Variants in COXFA4L2 observed in about 807,000 individuals in gnomAD.
COXFA4L2 encodes the protein NADH dehydrogenase (ubiquinone) 1 alpha subcomplex, 4-like 2.
chr12:57,238,309 G>A, the COXFA4L2 span, among the ~76,000 whole-genome samples: 21 of 152,170 alleles, frequency 1.4e-4, no homozygotes, highest in Admixed American at 4.6e-4. This position sits in a 1 kb window ranked among gnomAD's most constrained non-coding sequence, Gnocchi z 6.8. Context: ...TAATTAGGCT[G>A]CGGGGTCCCG....
the COXFA4L2 span, chr12:57,236,161 A>G: frequency 3.0e-6 from 1 of 332,016 alleles, no homozygotes; most frequent in Non-Finnish European, 5.5e-6. Flanking sequence ...ATGTGCCGGG[A>G]ATTATAAAGC....
chr12:57,237,465 G>T, the COXFA4L2 span: 1 of 672,064 alleles, frequency 1.5e-6, no homozygotes, highest in Non-Finnish European at 2.1e-6. Flanking sequence ...TGCATGTGTG[G>T]AATGTTCACA....
chr12:57,236,632 A>C, the COXFA4L2 span: 8 of 1,584,566 alleles, frequency 5.0e-6, no homozygotes, highest in Non-Finnish European at 6.9e-6. Flanking sequence ...CAGCAAGTAA[A>C]GCGCAGCGCT....
At chr12:57,235,580 CCTT>C in the COXFA4L2 span, 2 of 1,613,996 alleles carry the variant, frequency 1.2e-6, no homozygotes, top group Non-Finnish European at 1.7e-6. Context: ...TCTGGCCGGT[CCTT>C]CTTCAGCTTC....
chr12:57,235,828 G>C, the COXFA4L2 span: 3 of 1,520,056 alleles, frequency 2.0e-6, no homozygotes, highest in Non-Finnish European at 2.6e-6. Context: ...CAGGAGGGGG[G>C]AGGGTTAGGG....
chr12:57,236,885 A>G, the COXFA4L2 span: 2,205 of 1,173,894 alleles, frequency 1.9e-3, 9 homozygotes, highest in Middle Eastern at 0.017. Flanking sequence ...GGACACAGGG[A>G]CGTTTCGGAG....
At chr12:57,236,891 C>T in the COXFA4L2 span, 19 of 1,246,062 alleles carry the variant, frequency 1.5e-5, no homozygotes, top group African/African-American at 1.2e-4. Context: ...AGGGACGTTT[C>T]GGAGAGAGAC....
the COXFA4L2 span, among the ~76,000 whole-genome samples, chr12:57,237,586 G>A: frequency 6.6e-6 from 1 of 152,230 alleles, no homozygotes; most frequent in African/African-American, 2.4e-5. Flanking sequence ...CCCCTCCACA[G>A]TGTAGTGGGG....
chr12:57,237,052 G>T, the COXFA4L2 span: 5 of 1,614,082 alleles, frequency 3.1e-6, no homozygotes, highest in Non-Finnish European at 4.2e-6. Context: ...TTGATCTGCC[G>T]GTAGAAGCGG....
chr12:57,236,170 G>A, the COXFA4L2 span: 5 of 329,978 alleles, frequency 1.5e-5, no homozygotes, highest in Non-Finnish European at 2.8e-5. Context: ...GAATTATAAA[G>A]CCATGGGTGC....
At chr12:57,235,919 C>A in the COXFA4L2 span, 1 of 899,224 alleles carries the variant, frequency 1.1e-6, no homozygotes, top group Non-Finnish European at 1.6e-6. Flanking sequence ...ACCCCAGTAC[C>A]CCTGCCTCCT....
the COXFA4L2 span, chr12:57,234,980 G>A: frequency 1.3e-5 from 2 of 157,688 alleles, no homozygotes; most frequent in African/African-American, 4.8e-5. Context: ...GAGCAAGGGA[G>A]GGGAGTGGCA....
chr12:57,238,695 C>T, the COXFA4L2 span, among the ~76,000 whole-genome samples: 1 of 152,236 alleles, frequency 6.6e-6, no homozygotes, highest in African/African-American at 2.4e-5. This position sits in a 1 kb window ranked among gnomAD's most constrained non-coding sequence, Gnocchi z 6.8. Context: ...CTTCCTTGTG[C>T]CCTTTGTTCT....
the COXFA4L2 span, chr12:57,237,081 GC>G: frequency 1.9e-6 from 3 of 1,614,208 alleles, no homozygotes; most frequent in South Asian, 3.3e-5. Context: ...ACTGGCTCCT[GC>G]CATATCGTTG....
At chr12:57,235,310 A>AC in the COXFA4L2 span, 2 of 584,918 alleles carry the variant, frequency 3.4e-6, no homozygotes, top group African/African-American at 3.8e-5. Context: ...CTCTTGGTGG[A>AC]CCCCTGCTGG....
chr12:57,236,966 G>A, the COXFA4L2 span: 1 of 1,602,316 alleles, frequency 6.2e-7, no homozygotes. Context: ...GGCATTGGGG[G>A]ATTTGGAGGG....
chr12:57,235,442 C>T, the COXFA4L2 span: 5 of 1,098,474 alleles, frequency 4.6e-6, no homozygotes, highest in Non-Finnish European at 6.9e-6. Context: ...GGAACCCGGC[C>T]TGTGTAAGCA....
chr12:57,236,754 T>C, the COXFA4L2 span: 1 of 1,389,992 alleles, frequency 7.2e-7, no homozygotes, highest in Non-Finnish European at 9.8e-7. Flanking sequence ...TTACAAGCTT[T>C]TCTGCCCACC....
chr12:57,240,546 G>A, the COXFA4L2 span: 39 of 302,202 alleles, frequency 1.3e-4, no homozygotes, highest in South Asian at 4.2e-3. Flanking sequence ...AGGAGTGGGG[G>A]CGGGAGACTC....
Sources: allele counts gnomAD v4.1 joint callset (sites outside exome capture counted in the v4.1 genomes callset), GRCh38; gene constraint gnomAD v4.1.1; non-coding constraint Gnocchi (gnomAD v3.1); transcripts MANE v1.5; gene names NCBI Gene and HGNC (gene_info 2026-07-23, HGNC 2026-07-21).